Variants in DIAPH2 observed in about 807,000 individuals in gnomAD.
The protein encoded by DIAPH2 is diaphanous related formin 2.
In DIAPH2, 35 loss-of-function variants were observed where a neutral mutation model predicts 92.7. That is an observed-to-expected ratio of 0.38 (90% CI 0.29 to 0.50). DIAPH2 has a LOEUF of 0.50. DIAPH2 is among the 20% of genes least tolerant of loss of function. The pLI is 0.94. For synonymous variants in DIAPH2, 301 were observed against 280.4 expected (o/e 1.07, Z -0.73); for missense variants, 701 against 819.5 (o/e 0.86, Z 1.77).
chrX:97,040,288 C>A (rs976790155), intron 17 of DIAPH2, among the ~76,000 whole-genome samples: 1 of 108,802 alleles, frequency 9.2e-6, no homozygotes. Context: ...ACGTCTAGAT[C>A]TCTCAACAGT....
At chrX:97,409,653 G>A (rs1457132827) in intron 25 of DIAPH2, among the ~76,000 whole-genome samples, 1 of 111,459 alleles carries the variant, frequency 9.0e-6, no homozygotes, top group African/African-American at 3.3e-5. Context: ...CTGGAAAATC[G>A]GGACACTCCC....
chrX:97,510,188 A>G (rs1296333553), intron 26 of DIAPH2, among the ~76,000 whole-genome samples: 1 of 109,727 alleles, frequency 9.1e-6, no homozygotes, highest in African/African-American at 3.4e-5. Context: ...CTGACTTTTT[A>G]ATGATCACCA....
At chrX:96,797,264 G>A (rs1194639532) in intron 4 of DIAPH2, among the ~76,000 whole-genome samples, 3 of 110,378 alleles carry the variant, frequency 2.7e-5, no homozygotes, top group Non-Finnish European at 3.8e-5. Context: ...GTGGATCACC[G>A]GGGGTCAGGA....
At chrX:97,195,849 A>C (rs1488008403) in intron 22 of DIAPH2, among the ~76,000 whole-genome samples, 1 of 109,746 alleles carries the variant, frequency 9.1e-6, no homozygotes, top group Non-Finnish European at 1.9e-5. Context: ...GTAAGCATCC[A>C]TGGGGCAGTA....
intron 4 of DIAPH2, among the ~76,000 whole-genome samples, chrX:96,810,369 G>T (rs1602526919): frequency 8.9e-6 from 1 of 111,758 alleles, no homozygotes; most frequent in East Asian, 2.8e-4. Context: ...GGGGTTGTTT[G>T]TTTTTTTCTT....
At chrX:96,752,841 C>T (rs775143741) in intron 3 of DIAPH2, among the ~76,000 whole-genome samples, 1 of 111,826 alleles carries the variant, frequency 8.9e-6, no homozygotes, top group African/African-American at 3.2e-5. Flanking sequence ...GAGGTGATAA[C>T]GCTAATAGCT....
At chrX:97,527,028 G>A (rs1054291210) in intron 26 of DIAPH2, among the ~76,000 whole-genome samples, 11 of 111,387 alleles carry the variant, frequency 9.9e-5, no homozygotes, top group South Asian at 3.8e-4. Context: ...TACTGTTCCC[G>A]GACTAATTAA....
chrX:96,822,847 C>T (rs6620178), intron 4 of DIAPH2, among the ~76,000 whole-genome samples: 1 of 111,836 alleles, frequency 8.9e-6, no homozygotes, highest in African/African-American at 3.2e-5. Flanking sequence ...GGATTAATAA[C>T]TTTATGAGTA....
intron 4 of DIAPH2, among the ~76,000 whole-genome samples, chrX:96,832,022 C>T (rs1441186546): frequency 9.0e-6 from 1 of 111,290 alleles, no homozygotes; most frequent in Non-Finnish European, 1.9e-5. Context: ...CCTACTGTGA[C>T]CTTCTAAGGA....
chrX:96,874,403 A>T (rs2065164818), intron 4 of DIAPH2, among the ~76,000 whole-genome samples: 1 of 112,045 alleles, frequency 8.9e-6, no homozygotes, highest in African/African-American at 3.2e-5. Flanking sequence ...TTAATGATTT[A>T]CTTGCTATTA....
At chrX:97,074,886 TA>T (rs1225896181) in intron 18 of DIAPH2, among the ~76,000 whole-genome samples, 7 of 112,140 alleles carry the variant, frequency 6.2e-5, no homozygotes, top group Non-Finnish European at 1.1e-4. Flanking sequence ...CATCCTAATC[TA>T]AAAGGCATAA....
intron 4 of DIAPH2, among the ~76,000 whole-genome samples, chrX:96,870,815 A>T (rs931172023): frequency 1.8e-5 from 2 of 111,746 alleles, no homozygotes; most frequent in African/African-American, 6.5e-5. Flanking sequence ...TCTTTATTTC[A>T]TTTACAATGT....
chrX:96,978,609 A>G (rs1407968702), intron 17 of DIAPH2, among the ~76,000 whole-genome samples: 3 of 110,465 alleles, frequency 2.7e-5, no homozygotes, highest in Non-Finnish European at 5.7e-5. Context: ...ATGTTGAAAG[A>G]ACTTTAACTT....
At chrX:97,420,030 G>A (rs1389298030) in intron 25 of DIAPH2, among the ~76,000 whole-genome samples, 1 of 111,088 alleles carries the variant, frequency 9.0e-6, no homozygotes, top group Non-Finnish European at 1.9e-5. Context: ...GCATAAACTG[G>A]TTTTTCTGGT....
chrX:96,851,365 A>G (rs2065005278), intron 4 of DIAPH2, among the ~76,000 whole-genome samples: 1 of 111,761 alleles, frequency 8.9e-6, no homozygotes, highest in Non-Finnish European at 1.9e-5. Context: ...GGCCCCCCAA[A>G]GTGCTGGGAT....
intron 4 of DIAPH2, among the ~76,000 whole-genome samples, chrX:96,866,058 C>G (rs1368058037): frequency 8.9e-6 from 1 of 112,059 alleles, no homozygotes; most frequent in Non-Finnish European, 1.9e-5. Context: ...AGTTATCCCT[C>G]ACTCCTGTAT....
At chrX:97,042,580 A>G (rs2066455085) in intron 17 of DIAPH2, among the ~76,000 whole-genome samples, 1 of 112,115 alleles carries the variant, frequency 8.9e-6, no homozygotes, top group African/African-American at 3.2e-5. Flanking sequence ...ATGTGTGTAT[A>G]CATGTGTATG....
At chrX:97,494,137 G>GTA (rs1454637391) in intron 26 of DIAPH2, among the ~76,000 whole-genome samples, 4 of 103,800 alleles carry the variant, frequency 3.9e-5, no homozygotes, top group East Asian at 3.0e-4. Context: ...TTGTGTGTGT[G>GTA]TATATATGTA....
In DIAPH2 at chrX:97,600,824, T is replaced by G. The variant is rs973591288; in HGVS notation, c.*1507T>G. 3 of 112,071 alleles carry G rather than the reference T, an allele frequency of 2.7e-5. No homozygotes were observed. The highest frequency in any genetic ancestry group is 6.5e-5 in the African/African-American group (2 of 30,873). The allele number at this position is 112,071 out of a possible 1,213,427, so 9.2% of individuals were successfully genotyped here. On this transcript the variant is annotated 3_prime_UTR_variant, in exon 27 of 27. Transcript: ENST00000324765. ...AAATGGCTGGCTTGGCAAATCCCCA[T>G]CTGAGATAAAGTAAACAAGTGACCA...
Sources: allele counts gnomAD v4.1 joint callset (sites outside exome capture counted in the v4.1 genomes callset), GRCh38; gene constraint gnomAD v4.1.1; transcripts MANE v1.5; gene names NCBI Gene and HGNC (gene_info 2026-07-23, HGNC 2026-07-21).